URI1: variants seen among roughly 807,000 people sequenced by gnomAD.
URI1 encodes unconventional prefoldin RPB5 interactor 1.
In URI1, 39 loss-of-function variants were observed where a neutral mutation model predicts 60.2. That is an observed-to-expected ratio of 0.65 (90% CI 0.50 to 0.85). The LOEUF (loss-of-function observed/expected upper bound fraction) is 0.85. URI1 is among the 40% of genes least tolerant of loss of function. The probability of loss-of-function intolerance (pLI) is 0.00; values close to 1 mark genes in which losing one functional copy is unlikely to be tolerated. For missense variants in URI1, 691 were observed against 665.9 expected, an observed-to-expected ratio of 1.04 and a Z score of -0.42; for synonymous variants, 251 against 236.8, an observed-to-expected ratio of 1.06 and a Z score of -0.55.
At chr19:30,008,569 A>G (rs1425931776) in intron 7 of URI1, among the ~76,000 whole-genome samples, 1 of 152,042 alleles carries the variant, frequency 6.6e-6, no homozygotes, top group Non-Finnish European at 1.5e-5. Flanking sequence ...GCATATGTAT[A>G]AATCCTTTAT....
chr19:30,003,759 G>A (rs965150809), intron 4 of URI1, among the ~76,000 whole-genome samples: 10 of 152,058 alleles, frequency 6.6e-5, no homozygotes, highest in Admixed American at 5.9e-4. Flanking sequence ...GTATTTATAT[G>A]TGGATAGACT....
rs771039160 is a variant in URI1, at chr19:30,015,036, G to C, written c.1575G>C (p.Lys525Asn). Residue 525 changes from lysine to asparagine, a missense_variant, in exon 11 of 11, where the codon AAG becomes AAC. Lys to Asn is a moderately conservative substitution (Grantham distance 94). Coordinates refer to ENST00000392271, the MANE Select transcript of URI1 (RefSeq NM_003796.3). ...AAGAAACTGGAAAGAGGGTTTCAAA[G>C]TTTAAAGCTGCCAGATTGCAACAGA... Reference protein sequence around the residue: ...ASEETGKRVSKFKAARLQQKD With the variant: ...ASEETGKRVSNFKAARLQQKD 1 of 1,613,580 alleles carries C rather than the reference G, an allele frequency of 6.2e-7. No homozygotes were observed. The highest frequency in any genetic ancestry group is 1.1e-5 in the South Asian group (1 of 91,028).
chr19:30,002,894 T>C (rs1416480769), intron 4 of URI1, among the ~76,000 whole-genome samples: 2 of 151,998 alleles, frequency 1.3e-5, no homozygotes, highest in Non-Finnish European at 2.9e-5. Flanking sequence ...TCAGTGTGGT[T>C]TGAAATTTTG....
intron 1 of URI1, among the ~76,000 whole-genome samples, chr19:29,970,930 T>G (rs2055451706): frequency 6.6e-6 from 1 of 152,120 alleles, no homozygotes; most frequent in East Asian, 1.9e-4. Flanking sequence ...TGTCACCTAA[T>G]AGTTATGAAG....
intron 1 of URI1, among the ~76,000 whole-genome samples, chr19:29,967,793 G>C (rs2055408185): frequency 6.6e-6 from 1 of 152,148 alleles, no homozygotes; most frequent in South Asian, 2.1e-4. Flanking sequence ...TTTTAAAACT[G>C]GTCTCATCTC....
intron 1 of URI1, among the ~76,000 whole-genome samples, chr19:29,961,755 G>A (rs995635388): frequency 2.9e-4 from 43 of 150,176 alleles, no homozygotes; most frequent in African/African-American, 9.8e-4. Flanking sequence ...GCACAATCTC[G>A]GCTCACTGCA....
At chr19:29,985,103 G>A in intron 2 of URI1, 120 bp from the exon 3 acceptor site, 2 of 854,926 alleles carry the variant, frequency 2.3e-6, no homozygotes, top group Non-Finnish European at 3.3e-6. Flanking sequence ...CTGGGCGACG[G>A]AGCGACACTC....
chr19:30,001,216 A>C (rs1357324932), intron 4 of URI1, among the ~76,000 whole-genome samples: 1 of 151,834 alleles, frequency 6.6e-6, no homozygotes, highest in African/African-American at 2.4e-5. Context: ...AACCATTTAT[A>C]CTTGCGTTGA....
intron 1 of URI1, among the ~76,000 whole-genome samples, chr19:29,965,329 G>A (rs2055379220): frequency 6.6e-6 from 1 of 152,168 alleles, no homozygotes; most frequent in African/African-American, 2.4e-5. Flanking sequence ...TACGAGGAAG[G>A]CATGTGAATG....
chr19:29,996,635 A>G (rs2055816636), intron 4 of URI1, among the ~76,000 whole-genome samples: 1 of 152,098 alleles, frequency 6.6e-6, no homozygotes, highest in Admixed American at 6.6e-5. Context: ...AACTTCTAGT[A>G]TGTTGTTGAA....
At chr19:29,985,626 A>G (rs1468841457) in intron 3 of URI1, among the ~76,000 whole-genome samples, 3 of 152,346 alleles carry the variant, frequency 2.0e-5, no homozygotes, top group Non-Finnish European at 2.9e-5. Flanking sequence ...CAGAGCAGGA[A>G]TAGGCCATAA....
chr19:29,974,303 TAAAAA>T (rs759521469), intron 2 of URI1, among the ~76,000 whole-genome samples: 1 of 147,186 alleles, frequency 6.8e-6, no homozygotes, highest in South Asian at 2.2e-4. Flanking sequence ...GTCAGACAAA[TAAAAA>T]AAAAAGCCAG....
At chr19:29,944,294 A>G (rs1384491577) in intron 1 of URI1, among the ~76,000 whole-genome samples, 1 of 149,800 alleles carries the variant, frequency 6.7e-6, no homozygotes, top group Non-Finnish European at 1.5e-5. Flanking sequence ...CCCTCATGAA[A>G]TCTTACTCCT....
At chr19:30,001,646 C>T (rs140972745) in intron 4 of URI1, among the ~76,000 whole-genome samples, 131 of 152,030 alleles carry the variant, frequency 8.6e-4, no homozygotes, top group Admixed American at 1.6e-3. Context: ...TTTGGAAATA[C>T]TCTCAAGTGA....
chr19:29,979,942 G>A (rs2055572277), intron 2 of URI1, among the ~76,000 whole-genome samples: 1 of 152,146 alleles, frequency 6.6e-6, no homozygotes, highest in Admixed American at 6.5e-5. Flanking sequence ...TCCATGAGGA[G>A]TGTTCCTTTT....
intron 9 of URI1, 51 bp downstream of exon 9, chr19:30,011,287 C>G: frequency 6.5e-7 from 1 of 1,544,348 alleles, no homozygotes; most frequent in South Asian, 1.2e-5. Context: ...GCCTCTCTTT[C>G]TGCCACTGAA....
chr19:29,942,667 A>G lies in URI1; in HGVS notation c.117+3A>G. 7.1e-7 allele frequency: 1 copy of G among 1,413,438 alleles called. No homozygotes were observed. The allele number at this position is 1,413,438 out of a possible 1,614,324, so 87.6% of individuals were successfully genotyped here. On this transcript the variant is annotated splice_donor_region_variant and intron_variant, in intron 1 of 10. Coordinates refer to ENST00000392271, the MANE Select transcript of URI1 (RefSeq NM_003796.3). ...GGCTGCGCGAGGAGCAGGAAAAGGTAACTAGCAGCCCCGCGCCGCTTCCGC... is the reference window on the plus strand; with the variant it reads ...GGCTGCGCGAGGAGCAGGAAAAGGTGACTAGCAGCCCCGCGCCGCTTCCGC...
At chr19:29,994,932 C>T (rs1423800781) in intron 4 of URI1, among the ~76,000 whole-genome samples, 1 of 152,022 alleles carries the variant, frequency 6.6e-6, no homozygotes, top group Non-Finnish European at 1.5e-5. Flanking sequence ...AGGTGTGCAC[C>T]ACCATGCCCG....
intron 2 of URI1, among the ~76,000 whole-genome samples, chr19:29,978,097 G>C (rs2055548146): frequency 6.6e-6 from 1 of 152,054 alleles, no homozygotes; most frequent in South Asian, 2.1e-4. Flanking sequence ...TTTTTAAAGA[G>C]TTAAATGATT....
Sources: allele counts gnomAD v4.1 joint callset (sites outside exome capture counted in the v4.1 genomes callset), GRCh38; gene constraint gnomAD v4.1.1; transcripts MANE v1.5; gene names NCBI Gene and HGNC (gene_info 2026-07-23, HGNC 2026-07-21).